ENTREP2: variants seen among roughly 807,000 people sequenced by gnomAD.
ENTREP2 encodes protein ENTREP2.
the ENTREP2 span, among the ~76,000 whole-genome samples, chr15:29,674,135 G>T: frequency 1.3e-5 from 2 of 149,844 alleles, 1 homozygote; most frequent in East Asian, 3.9e-4. Context: ...GGATGGGGGG[G>T]GGGGGGGGCT....
At chr15:29,448,823 G>T in the ENTREP2 span, among the ~76,000 whole-genome samples, 34 of 152,242 alleles carry the variant, frequency 2.2e-4, no homozygotes, top group Non-Finnish European at 3.2e-4. Context: ...TAAATATCTT[G>T]TATTATTTTA....
the ENTREP2 span, among the ~76,000 whole-genome samples, chr15:29,315,943 G>C: frequency 7.6e-6 from 1 of 131,132 alleles, no homozygotes; most frequent in Non-Finnish European, 1.5e-5. Context: ...ACATGTGCTT[G>C]CTTATAATTT....
At chr15:29,260,455 G>C in the ENTREP2 span, among the ~76,000 whole-genome samples, 1 of 152,190 alleles carries the variant, frequency 6.6e-6, no homozygotes, top group Non-Finnish European at 1.5e-5. Context: ...CCGTGACCAA[G>C]TGGGATTTAC....
the ENTREP2 span, among the ~76,000 whole-genome samples, chr15:29,485,302 T>TGGC: frequency 2.0e-5 from 3 of 152,156 alleles, no homozygotes; most frequent in African/African-American, 7.2e-5. Context: ...GTGCAGGACC[T>TGGC]GGCCCCTGTC....
the ENTREP2 span, among the ~76,000 whole-genome samples, chr15:29,313,808 CT>C: frequency 6.6e-6 from 1 of 152,262 alleles, no homozygotes; most frequent in South Asian, 2.1e-4. Context: ...CATAGTGATC[CT>C]GTAATAAATC....
chr15:29,584,773 T>C, the ENTREP2 span, among the ~76,000 whole-genome samples: 1 of 152,208 alleles, frequency 6.6e-6, no homozygotes, highest in East Asian at 1.9e-4. Flanking sequence ...AATAACACTG[T>C]ATTTTGTATT....
the ENTREP2 span, among the ~76,000 whole-genome samples, chr15:29,480,808 A>G: frequency 6.6e-6 from 1 of 152,008 alleles, no homozygotes; most frequent in African/African-American, 2.4e-5. Context: ...GACCCAGAAA[A>G]CCTCACGGCT....
chr15:29,320,023 G>A, the ENTREP2 span, among the ~76,000 whole-genome samples: 1 of 152,104 alleles, frequency 6.6e-6, no homozygotes, highest in African/African-American at 2.4e-5. Flanking sequence ...CCATAACAAA[G>A]GCCTGCTCTC....
At chr15:29,387,651 T>C in the ENTREP2 span, among the ~76,000 whole-genome samples, 5 of 151,984 alleles carry the variant, frequency 3.3e-5, no homozygotes, top group East Asian at 3.9e-4. Flanking sequence ...AAAAAGAGCC[T>C]GCATTGCCAA....
chr15:29,181,213 G>T, the ENTREP2 span, among the ~76,000 whole-genome samples: 1 of 152,176 alleles, frequency 6.6e-6, no homozygotes, highest in South Asian at 2.1e-4. Flanking sequence ...ATAGTCTCAA[G>T]AAGAAGGAGG....
the ENTREP2 span, among the ~76,000 whole-genome samples, chr15:29,512,595 GAACAGGAAGA>G: frequency 6.6e-6 from 1 of 152,148 alleles, no homozygotes; most frequent in Non-Finnish European, 1.5e-5. Flanking sequence ...GACCTTATAA[GAACAGGAAGA>G]AACACCAGAG....
the ENTREP2 span, among the ~76,000 whole-genome samples, chr15:29,524,024 T>G: frequency 6.6e-6 from 1 of 152,064 alleles, no homozygotes; most frequent in Non-Finnish European, 1.5e-5. Context: ...AACAAAAAAA[T>G]AGATGGGATA....
At chr15:29,248,748 T>C in the ENTREP2 span, among the ~76,000 whole-genome samples, 1 of 152,168 alleles carries the variant, frequency 6.6e-6, no homozygotes, top group Non-Finnish European at 1.5e-5. Context: ...ATAACAACTT[T>C]CAGTGCTGGC....
the ENTREP2 span, among the ~76,000 whole-genome samples, chr15:29,395,369 C>T: frequency 6.6e-6 from 1 of 151,768 alleles, no homozygotes; most frequent in Non-Finnish European, 1.5e-5. Flanking sequence ...GGGTATGTAC[C>T]CAGAAGTGAA....
chr15:29,148,597 G>A, the ENTREP2 span, among the ~76,000 whole-genome samples: 1 of 152,112 alleles, frequency 6.6e-6, no homozygotes, highest in Non-Finnish European at 1.5e-5. Context: ...TATTTTTGTT[G>A]TTGTTTTGTT....
chr15:29,172,611 G>C, the ENTREP2 span, among the ~76,000 whole-genome samples: 1 of 152,004 alleles, frequency 6.6e-6, no homozygotes, highest in Non-Finnish European at 1.5e-5. Flanking sequence ...ATGACAGAGA[G>C]GACAATAGGA....
At chr15:29,151,032 C>A in the ENTREP2 span, among the ~76,000 whole-genome samples, 1 of 152,142 alleles carries the variant, frequency 6.6e-6, no homozygotes, top group Non-Finnish European at 1.5e-5. Context: ...ATTTTTTCAT[C>A]AATTTCTCTT....
the ENTREP2 span, among the ~76,000 whole-genome samples, chr15:29,648,516 AG>A: frequency 3.3e-5 from 5 of 152,234 alleles, no homozygotes; most frequent in South Asian, 4.1e-4. Flanking sequence ...CCAGGACTAT[AG>A]TACAGCAAAC....
the ENTREP2 span, among the ~76,000 whole-genome samples, chr15:29,493,502 C>T: frequency 0.069 from 10,469 of 152,070 alleles, 488 homozygotes; most frequent in South Asian, 0.13. Context: ...TAATGCTGAG[C>T]ATTTAAAAGC....
Sources: gnomAD v4.1 joint callset for allele counts (sites outside exome capture counted in the v4.1 genomes callset) on GRCh38, gnomAD v4.1.1 for gene constraint, MANE v1.5 for transcripts, NCBI Gene and HGNC (gene_info 2026-07-23, HGNC 2026-07-21) for gene names.